Variants in DIAPH1 observed in about 807,000 individuals in gnomAD.
DIAPH1 encodes diaphanous related formin 1.
In DIAPH1, 46 loss-of-function variants were observed where a neutral mutation model predicts 140.7. The ratio of observed to expected loss-of-function variants is 0.33; its 90% CI spans 0.26 to 0.42. The LOEUF is 0.42. DIAPH1 is among the 10% of genes least tolerant of loss of function. The pLI is 1.00. For synonymous variants in DIAPH1, 565 were observed against 551.6 expected, an observed-to-expected ratio of 1.02 and a Z score of -0.34; for missense variants, 1,310 against 1,558.7, an observed-to-expected ratio of 0.84 and a Z score of 2.69.
Position 141,573,755 on chromosome 5 carries a change from C to T in DIAPH1, c.2095G>A (p.Gly699Arg). Residue 699 changes from glycine (G) to arginine (R), a missense_variant, in exon 16 of 28, where the codon GGA becomes AGA. Transcript: ENST00000389054. ...PPPPPLPGSA[G>R]IPPPPPPLPG... ...AAGGGAGGAGGTGGGGGGGGAATTC[C>T]AGCACTCCCAGGCAAAGGAGGTGGT... 1.3e-6 allele frequency: 2 copies of T among 1,519,644 alleles called. No individual in the cohort carries two copies. The highest frequency in any genetic ancestry group is 1.8e-6 in the Non-Finnish European group (2 of 1,132,192). 94.1% of individuals were successfully genotyped at this position (1,519,644 alleles called of 1,614,324 possible). A position where few individuals can be genotyped will look rare whatever the true frequency, so the allele number is the denominator to read the frequency against.
chr5:141,609,308 T>A (rs1430117373), intron 1 of DIAPH1, among the ~76,000 whole-genome samples: 1 of 152,044 alleles, frequency 6.6e-6, no homozygotes, highest in African/African-American at 2.4e-5. Flanking sequence ...TCTAAGGGAA[T>A]ACCACCAAAA....
intron 1 of DIAPH1, among the ~76,000 whole-genome samples, chr5:141,611,663 G>A (rs1266073036): frequency 2.0e-5 from 3 of 152,144 alleles, no homozygotes; most frequent in Non-Finnish European, 2.9e-5. Flanking sequence ...CTTCACGGAC[G>A]ATACATAGAT....
At chr5:141,566,921 A>AAAACAAAACC (rs2099894469) in intron 18 of DIAPH1, among the ~76,000 whole-genome samples, 1 of 151,956 alleles carries the variant, frequency 6.6e-6, no homozygotes, top group East Asian at 1.9e-4. Flanking sequence ...AAAACAAAAC[A>AAAACAAAACC]AAACAAAACC....
intron 1 of DIAPH1, among the ~76,000 whole-genome samples, chr5:141,614,709 C>T (rs1188556332): frequency 6.6e-6 from 1 of 151,950 alleles, no homozygotes; most frequent in African/African-American, 2.4e-5. Flanking sequence ...GGAAGAATGG[C>T]GGAAATCTTT....
intron 18 of DIAPH1, among the ~76,000 whole-genome samples, chr5:141,542,655 T>C (rs542950374): frequency 6.6e-6 from 1 of 152,242 alleles, no homozygotes; most frequent in African/African-American, 2.4e-5. Context: ...GGTAAATCTA[T>C]AGAGACACAC....
intron 9 of DIAPH1, 66 bp downstream of exon 9, chr5:141,579,022 C>T: frequency 8.3e-7 from 1 of 1,205,196 alleles, no homozygotes; most frequent in Non-Finnish European, 1.2e-6. Context: ...ATTAAAAGGT[C>T]AAATGAATTT....
chr5:141,556,667 A>T lies in DIAPH1; in HGVS notation c.2482+14761T>A, dbSNP rs551900462. 6.6e-5 allele frequency among the ~76,000 whole-genome samples: 10 copies of T among 152,170 alleles called. No homozygotes were observed. In the South Asian group the frequency reaches 2.1e-3, roughly 32 times the overall value. On this transcript the variant is annotated intron_variant, in intron 18 of 27. Coordinates refer to ENST00000389054, the MANE Select transcript of DIAPH1 (RefSeq NM_005219.5). ...CTGGCTTTGTATCTTCTCAGTCCCAACCTGAGAGATCTTCTTTTTATTTAT... is the reference window on the plus strand; with the variant it reads ...CTGGCTTTGTATCTTCTCAGTCCCATCCTGAGAGATCTTCTTTTTATTTAT...
chr5:141,593,518 CAACTT>C, intron 1 of DIAPH1, among the ~76,000 whole-genome samples: 1 of 152,282 alleles, frequency 6.6e-6, no homozygotes, highest in African/African-American at 2.4e-5. Context: ...TCTGGGGAAT[CAACTT>C]AAAGCTTGTG....
intron 1 of DIAPH1, among the ~76,000 whole-genome samples, chr5:141,605,323 T>C (rs1010522650): frequency 5.3e-5 from 8 of 152,052 alleles, no homozygotes; most frequent in African/African-American, 1.2e-4. Flanking sequence ...TATTTGTGCA[T>C]AGAGATAATG....
intron 26 of DIAPH1, among the ~76,000 whole-genome samples, chr5:141,525,246 T>C (rs2099887146): frequency 6.6e-6 from 1 of 152,200 alleles, no homozygotes; most frequent in Non-Finnish European, 1.5e-5. Flanking sequence ...TGTAAAATAC[T>C]GATTCCTAAC....
rs1272392879 is a variant in DIAPH1 at position 141,607,165 on chromosome 5, AAGAC to A, written c.117+11629_117+11632del. 5.9e-5 allele frequency among the ~76,000 whole-genome samples: 9 copies of A among 152,328 alleles called. No individual in the cohort carries two copies. The East Asian group carries it at 1.2e-3, about 20-fold the overall frequency. On this transcript the variant is annotated intron_variant, in intron 1 of 27. Coordinates refer to ENST00000389054, the MANE Select transcript of DIAPH1 (RefSeq NM_005219.5). The stretch of plus-strand genomic sequence containing the variant: ...TAAACATATATTTTTGCATTCAAGA[AAGAC>A]AGAAGAATACTTCAAATAAGTATGC...
At chr5:141,562,540 G>A (rs972297159) in intron 18 of DIAPH1, among the ~76,000 whole-genome samples, 1 of 150,970 alleles carries the variant, frequency 6.6e-6, no homozygotes, top group Non-Finnish European at 1.5e-5. Flanking sequence ...AGGATGGCAT[G>A]GATGAATACT....
At chr5:141,586,605 T>C (rs2099897594) in intron 3 of DIAPH1, among the ~76,000 whole-genome samples, 1 of 152,222 alleles carries the variant, frequency 6.6e-6, no homozygotes, top group Non-Finnish European at 1.5e-5. Flanking sequence ...TTCTATGTAT[T>C]TTCTTTCCAG....
intron 20 of DIAPH1, 132 bp from the exon 21 acceptor site, chr5:141,529,405 A>G (rs1358356651): frequency 7.7e-6 from 7 of 914,006 alleles, no homozygotes; most frequent in African/African-American, 1.6e-5. Flanking sequence ...GTGGGAGAAG[A>G]GAGGCAGCTA....
chr5:141,588,535 A>T (rs2099897890), intron 1 of DIAPH1, among the ~76,000 whole-genome samples: 1 of 152,100 alleles, frequency 6.6e-6, no homozygotes, highest in Admixed American at 6.6e-5. Context: ...GATGACCGAT[A>T]CACTTATAAG....
At chr5:141,555,381 AGAACT>A (rs1170946142) in intron 18 of DIAPH1, among the ~76,000 whole-genome samples, 1 of 152,224 alleles carries the variant, frequency 6.6e-6, no homozygotes, top group African/African-American at 2.4e-5. Flanking sequence ...TGGGTTAGGA[AGAACT>A]CCCACTGACA....
At chr5:141,562,814 A>G (rs1252424763) in intron 18 of DIAPH1, among the ~76,000 whole-genome samples, 1 of 152,166 alleles carries the variant, frequency 6.6e-6, no homozygotes, top group Non-Finnish European at 1.5e-5. Context: ...AGGGATCCTC[A>G]AAACAGTGCC....
rs766946537 is a variant in DIAPH1, at chr5:141,605,412, ATG to A, written c.117+13384_117+13385del. Among the ~76,000 whole-genome samples the A allele has an allele frequency of 3.8e-4, 58 of 152,288 alleles. 1 individual carries two copies. Among genetic ancestry groups the A allele is most frequent in the Admixed American group, 2.0e-4 (3 of 15,304 alleles). On this transcript the variant is annotated intron_variant, in intron 1 of 27. Transcript: ENST00000389054. ...CTTACGTATTGTTTCAAAAATATATATGTGTTTTCAAAAAAAAAGCACACACA... is the reference window on the plus strand; with the variant it reads ...CTTACGTATTGTTTCAAAAATATATATGTTTTCAAAAAAAAAGCACACACA...
chr5:141,521,069 T>G (rs2099886463), intron 27 of DIAPH1, among the ~76,000 whole-genome samples: 1 of 152,036 alleles, frequency 6.6e-6, no homozygotes, highest in Non-Finnish European at 1.5e-5. Context: ...CCCGGCTAAT[T>G]TTTTGTATTT....
Sources: gnomAD v4.1 joint callset for allele counts (sites outside exome capture counted in the v4.1 genomes callset) on GRCh38, gnomAD v4.1.1 for gene constraint, MANE v1.5 for transcripts, NCBI Gene and HGNC (gene_info 2026-07-23, HGNC 2026-07-21) for gene names.